EIF2D: variants seen among roughly 807,000 people sequenced by gnomAD.
EIF2D encodes the protein hepatocellular carcinoma-associated antigen 56.
A neutral mutation model predicts 77.4 loss-of-function variants in EIF2D; 56 were observed. The observed-to-expected ratio is 0.72, with a 90% CI of 0.58 to 0.90. EIF2D has a LOEUF of 0.90. Ranked by LOEUF, EIF2D falls within the 40% of genes least tolerant of loss-of-function variation. The pLI, the probability that EIF2D is intolerant of heterozygous loss-of-function variation, is 0.00. For missense variants in EIF2D, 574 were observed against 706.5 expected (o/e 0.81, Z 2.13); for synonymous variants, 230 against 271.0 (o/e 0.85, Z 1.49).
downstream of EIF2D, among the ~76,000 whole-genome samples, chr1:206,590,934 C>T (rs1461786648): frequency 6.6e-6 from 1 of 152,180 alleles, no homozygotes; most frequent in Non-Finnish European, 1.5e-5. Context: ...CAGGGACCAG[C>T]GCAGTGGTTC....
At chr1:206,598,720 G>C (rs1669770731) in intron 11 of EIF2D, among the ~76,000 whole-genome samples, 1 of 152,132 alleles carries the variant, frequency 6.6e-6, no homozygotes, top group South Asian at 2.1e-4. Flanking sequence ...TTCTTTGTAA[G>C]CTTGCATTTT....
At chr1:206,596,560 G>A (rs1553410100) in intron 12 of EIF2D, among the ~76,000 whole-genome samples, 1 of 152,190 alleles carries the variant, frequency 6.6e-6, no homozygotes, top group Non-Finnish European at 1.5e-5. Flanking sequence ...ATGTGGAAAA[G>A]AAGGAATATT....
At chr1:206,608,388 T>G in intron 3 of EIF2D, 62 bp from the exon 4 acceptor site, 1 of 1,362,254 alleles carries the variant, frequency 7.3e-7, no homozygotes, top group Non-Finnish European at 1.0e-6. Flanking sequence ...GCGTTTTACT[T>G]CATCATTTCC....
rs1258899353 is a variant in EIF2D, at chr1:206,611,081, C to T, written c.247+103G>A. 9.8e-6 allele frequency: 11 copies of T among 1,126,466 alleles called. No individual in the cohort carries two copies. In the South Asian group the frequency reaches 1.1e-4, roughly 12 times the overall value. The allele number at this position is 1,126,466 out of a possible 1,614,324, so 69.8% of individuals were successfully genotyped here. ...CCTTGGGGATGGTATTGGGAGATTT[C>T]GTGCTTGCTTATTTTATGGGAGACA... On this transcript the variant is annotated intron_variant, in intron 2 of 14. Transcript: ENST00000271764.
At chr1:206,581,469 C>G (rs1188397483) in intron 2 of EIF2D, among the ~76,000 whole-genome samples, 1 of 151,922 alleles carries the variant, frequency 6.6e-6, no homozygotes, top group Non-Finnish European at 1.5e-5. Context: ...TGTGGTGGTG[C>G]GCACCTGTAA....
At chr1:206,590,002 T>A (rs886541929), downstream of EIF2D, among the ~76,000 whole-genome samples, 61 of 152,248 alleles carry the variant, frequency 4.0e-4, no homozygotes, top group African/African-American at 1.4e-3. Context: ...TGAAGCACTT[T>A]CTGCTTTTCA....
intron 3 of EIF2D, 129 bp from the exon 4 acceptor site, chr1:206,608,455 A>C: frequency 1.4e-6 from 1 of 710,490 alleles, no homozygotes; most frequent in South Asian, 2.3e-5. Flanking sequence ...TCATAATAAA[A>C]ATGAAAAATG....
At chr1:206,574,784 C>A (rs1195539663) in intron 4 of EIF2D, among the ~76,000 whole-genome samples, 2 of 151,808 alleles carry the variant, frequency 1.3e-5, no homozygotes, top group Admixed American at 6.6e-5. Context: ...TGGGAGGGGG[C>A]CCTGCAGTAA....
At chr1:206,581,986 A>C (rs569905816) in intron 2 of EIF2D, among the ~76,000 whole-genome samples, 3 of 152,294 alleles carry the variant, frequency 2.0e-5, no homozygotes, top group African/African-American at 7.2e-5. Context: ...AGATGGTGTC[A>C]GAGTCATCCC....
chr1:206,593,520 T>C lies in EIF2D; in HGVS notation c.1684+99A>G, dbSNP rs1354998585. ...GAGAGAGAGAGAGAGTGTGTGTGTGTGTGTGTGTGTGTGTGTGTGTGTATT... is the reference window on the plus strand; with the variant it reads ...GAGAGAGAGAGAGAGTGTGTGTGTGCGTGTGTGTGTGTGTGTGTGTGTATT... On this transcript the variant is annotated intron_variant, in intron 14 of 14. Coordinates refer to ENST00000271764, the MANE Select transcript of EIF2D (RefSeq NM_006893.3). The C allele has an allele frequency of 9.3e-4, 524 of 562,786 alleles. 2 individuals carry two copies. The highest frequency in any genetic ancestry group is 2.3e-3 in the Middle Eastern group (5 of 2,138). 34.9% of individuals were successfully genotyped at this position (562,786 alleles called of 1,614,324 possible). A position where few individuals can be genotyped will look rare whatever the true frequency, so the allele number is the denominator to read the frequency against.
chr1:206,596,461 C>G (rs11119113), intron 12 of EIF2D, among the ~76,000 whole-genome samples: 1 of 151,956 alleles, frequency 6.6e-6, no homozygotes, highest in Non-Finnish European at 1.5e-5. Flanking sequence ...TGTGTTCCAA[C>G]AAAACTTTAT....
Position 206,612,377 on chromosome 1 carries a change from A to C in EIF2D, c.-35T>G, listed in dbSNP as rs782323258. On this transcript the variant is annotated 5_prime_UTR_variant, in exon 1 of 15. Transcript: ENST00000271764. ...GGTGGCCTGGGGAAGAGAGCACAGA[A>C]GCCAGGGAATGTCAAGAAAGCGAGG... The C allele has an allele frequency of 6.2e-7, 1 of 1,614,080 alleles. No homozygotes were observed. The highest frequency in any genetic ancestry group is 1.1e-5 in the South Asian group (1 of 91,082).
chr1:206,569,738 C>A (rs1668388749), downstream of EIF2D, among the ~76,000 whole-genome samples: 1 of 152,224 alleles, frequency 6.6e-6, no homozygotes, highest in East Asian at 1.9e-4. Context: ...TGCCCCTGAC[C>A]TTTCTGGGCA....
intron 12 of EIF2D, among the ~76,000 whole-genome samples, 185 bp downstream of exon 12, chr1:206,596,915 G>T (rs1343449589): frequency 7.6e-6 from 1 of 132,224 alleles, no homozygotes; most frequent in East Asian, 2.3e-4. Flanking sequence ...ATGTCATATT[G>T]GCTCAAATTG....
chr1:206,608,417 A>C, intron 3 of EIF2D, 91 bp from the exon 4 acceptor site: 1 of 1,018,052 alleles, frequency 9.8e-7, no homozygotes, highest in Non-Finnish European at 1.4e-6. Flanking sequence ...TCAACAAAAA[A>C]ATAGTTACTA....
chr1:206,600,123 T>C lies in EIF2D; in HGVS notation c.948+140A>G, dbSNP rs528986877. 5 of 862,490 alleles carry C rather than the reference T, an allele frequency of 5.8e-6. No individual in the cohort carries two copies. In the African/African-American group the frequency reaches 8.6e-5, roughly 15 times the overall value. 53.4% of individuals were successfully genotyped at this position (862,490 alleles called of 1,614,324 possible). A position where few individuals can be genotyped will look rare whatever the true frequency, so the allele number is the denominator to read the frequency against. The stretch of plus-strand genomic sequence containing the variant: ...TTCAGCCCAGGGAGAGTTTCTTTCT[T>C]CCCCCTTATACTTGGAGTCAAAAAG... On this transcript the variant is annotated intron_variant, in intron 8 of 14. Transcript: ENST00000271764.
intron 6 of EIF2D, 65 bp from the exon 7 acceptor site, chr1:206,602,518 G>C (rs1208269375): frequency 3.5e-6 from 5 of 1,416,760 alleles, no homozygotes; most frequent in African/African-American, 1.4e-5. Context: ...ACAAGAAAAC[G>C]ACCCCCAGCT....
chr1:206,598,520 A>C (rs1481737875), intron 11 of EIF2D, among the ~76,000 whole-genome samples: 2 of 152,174 alleles, frequency 1.3e-5, no homozygotes, highest in Non-Finnish European at 2.9e-5. Flanking sequence ...ATGTCAAAAT[A>C]GCTAGAAAAG....
intron 4 of EIF2D, among the ~76,000 whole-genome samples, chr1:206,574,855 T>C (rs1200216746): frequency 3.0e-5 from 2 of 66,632 alleles, no homozygotes; most frequent in Non-Finnish European, 5.7e-5. Context: ...ACCAATGACT[T>C]TTTTTTTTTT....
Sources: allele counts gnomAD v4.1 joint callset (sites outside exome capture counted in the v4.1 genomes callset), GRCh38; gene constraint gnomAD v4.1.1; transcripts MANE v1.5; gene names NCBI Gene and HGNC (gene_info 2026-07-23, HGNC 2026-07-21).